The following PCDHA4 variants were observed in gnomAD, a reference collection of about 807,000 sequenced individuals.
PCDHA4 encodes protocadherin alpha-4.
A neutral mutation model predicts 61.4 loss-of-function variants in PCDHA4; 49 were observed. The observed-to-expected ratio is 0.80, with a 90% CI of 0.63 to 1.01. PCDHA4 has a LOEUF of 1.01. Ranked by LOEUF, PCDHA4 falls within the 50% of genes least tolerant of loss-of-function variation. PCDHA4 has a pLI of 0.00. For synonymous variants in PCDHA4, 590 were observed against 550.3 expected (o/e 1.07, Z -1.01); for missense variants, 1,254 against 1,235.8 (o/e 1.01, Z -0.22).
chr5:140,836,185 C>T, intron 1 of PCDHA4: 1 of 1,613,828 alleles, frequency 6.2e-7, no homozygotes, highest in Non-Finnish European at 8.5e-7. Context: ...GACGCTGACT[C>T]AGGCTACAAC....
rs2150339542 is a variant in PCDHA4 at position 140,842,572 on chromosome 5, A to T, written c.2385+33000A>T. 7.8e-6 allele frequency: 12 copies of T among 1,538,104 alleles called. 2 individuals carry two copies. In the South Asian group the frequency reaches 8.0e-5, roughly 10 times the overall value. On this transcript the variant is annotated intron_variant, in intron 1 of 3. Transcript: ENST00000530339. Reference sequence around the variant, plus strand: ...TGGACAGCGCCCTGGACCGCGAGAGAGTGTCGGCCTATGAGTTGGTGGTAA... The same window carrying T: ...TGGACAGCGCCCTGGACCGCGAGAGTGTGTCGGCCTATGAGTTGGTGGTAA...
At chr5:140,973,946 G>A (rs566831681) in intron 1 of PCDHA4, among the ~76,000 whole-genome samples, 45 of 152,304 alleles carry the variant, frequency 3.0e-4, no homozygotes, top group Non-Finnish European at 1.5e-4. Flanking sequence ...GAATATGATG[G>A]CATTTTACAG....
chr5:140,943,616 C>T (rs1221074220), intron 1 of PCDHA4, among the ~76,000 whole-genome samples: 3 of 152,048 alleles, frequency 2.0e-5, no homozygotes, highest in African/African-American at 7.3e-5. Context: ...TTTGATTCAT[C>T]TGCATAAGGA....
At chr5:140,835,908 T>A in intron 1 of PCDHA4, 1 of 1,612,190 alleles carries the variant, frequency 6.2e-7, no homozygotes, top group Admixed American at 1.7e-5. Flanking sequence ...GAGCTACGTG[T>A]CAGTGCACGC....
rs185971380 is a variant in PCDHA4, at chr5:140,858,398, G to T, written c.2385+48826G>T. On this transcript the variant is annotated intron_variant, in intron 1 of 3. Transcript: ENST00000530339. ...ACCATGCCCAATGGTAGATGTGGAC[G>T]GGGAAGATCAGTCTATTGGAGGGGA... The T allele has an allele frequency of 3.4e-5, 54 of 1,574,020 alleles. No homozygotes were observed. In the East Asian group the frequency reaches 1.1e-3, roughly 32 times the overall value.
rs976104418 is a variant in PCDHA4 at position 140,967,290 on chromosome 5, C to G, written c.2386-11659C>G. The G allele has an allele frequency of 3.1e-6, 5 of 1,612,712 alleles. No individual in the cohort carries two copies. In the African/African-American group the frequency reaches 5.3e-5, roughly 17 times the overall value. ...TTTCACATAGAGAGTGCGCAGGACC[C>G]CGACGTGGGCGCCAACTCAGTACAG... On this transcript the variant is annotated intron_variant, in intron 1 of 3. Coordinates refer to ENST00000530339, the MANE Select transcript of PCDHA4 (RefSeq NM_018907.4).
intron 1 of PCDHA4, among the ~76,000 whole-genome samples, chr5:140,907,775 G>T (rs1217508105): frequency 4.6e-5 from 7 of 152,178 alleles, no homozygotes; most frequent in African/African-American, 1.7e-4. Flanking sequence ...TGATGACAGG[G>T]GTGGCTGGGG....
In PCDHA4 at chr5:140,968,471, G is replaced by A. The variant is rs531821868; in HGVS notation, c.2386-10478G>A. On this transcript the variant is annotated intron_variant, in intron 1 of 3. Coordinates refer to ENST00000530339, the MANE Select transcript of PCDHA4 (RefSeq NM_018907.4). ...CAGCACTGTGACTGCCAACGTATAT[G>A]TGGTGGACATGAATGACCATGCCCC... 3.3e-5 allele frequency: 54 copies of A among 1,614,154 alleles called. No homozygotes were observed. The South Asian group carries it at 5.7e-4, about 17-fold the overall frequency.
rs782801879 is a variant in PCDHA4 at position 140,858,260 on chromosome 5, G to T, written c.2385+48688G>T. The T allele has an allele frequency of 2.0e-5, 32 of 1,597,092 alleles. 2 individuals carry two copies. The highest frequency in any genetic ancestry group is 2.7e-5 in the Non-Finnish European group (32 of 1,166,970). On this transcript the variant is annotated intron_variant, in intron 1 of 3. Coordinates refer to ENST00000530339, the MANE Select transcript of PCDHA4 (RefSeq NM_018907.4). ...ATGTGGGCCGGTGAAGCCCACGCTG[G>T]TGTGCTCTAGCGCGGTGGGGAGCTG...
At chr5:140,830,275 C>A (rs147028446) in intron 1 of PCDHA4, 3 of 1,613,698 alleles carry the variant, frequency 1.9e-6, no homozygotes, top group Non-Finnish European at 2.5e-6. Context: ...CGCCACCCAC[C>A]GAGGGCGCGT....
At chr5:140,978,486 G>T (rs1289847782) in intron 1 of PCDHA4, among the ~76,000 whole-genome samples, 1 of 152,248 alleles carries the variant, frequency 6.6e-6, no homozygotes, top group Admixed American at 6.5e-5. Flanking sequence ...AGTCTGCAAA[G>T]CCAGCAGCAG....
intron 1 of PCDHA4, chr5:140,862,764 G>A (rs375357178): frequency 5.0e-5 from 29 of 577,184 alleles, no homozygotes; most frequent in Middle Eastern, 5.6e-4. Flanking sequence ...GCGGCAAGAG[G>A]TACGCGTTGC....
intron 1 of PCDHA4, chr5:140,834,460 C>G (rs202125503): frequency 6.3e-6 from 10 of 1,589,954 alleles, no homozygotes; most frequent in Non-Finnish European, 8.6e-6. Flanking sequence ...GCTTGGGAGG[C>G]AGGGAGAGGC....
intron 1 of PCDHA4, among the ~76,000 whole-genome samples, chr5:140,959,250 G>A (rs2095476529): frequency 6.6e-6 from 1 of 152,030 alleles, no homozygotes. Context: ...GATAGTGCAT[G>A]ACTGTAGTCC....
At chr5:140,954,653 T>C (rs1467846481) in intron 1 of PCDHA4, among the ~76,000 whole-genome samples, 3 of 152,244 alleles carry the variant, frequency 2.0e-5, no homozygotes, top group Admixed American at 6.5e-5. Flanking sequence ...TTAAGTTCCT[T>C]GTAGACTCTG....
At chr5:140,823,599 T>G (rs1554129472) in intron 1 of PCDHA4, 2 of 1,614,006 alleles carry the variant, frequency 1.2e-6, no homozygotes, top group Non-Finnish European at 1.7e-6. Flanking sequence ...GGCTTTCGTA[T>G]GAGCTGCAGC....
chr5:140,954,284 C>G (rs1719232084), intron 1 of PCDHA4, among the ~76,000 whole-genome samples: 1 of 152,158 alleles, frequency 6.6e-6, no homozygotes, highest in South Asian at 2.1e-4. Context: ...ATTTATATTC[C>G]TTTGGGTACA....
At chr5:140,823,762 A>C (rs2150128894) in intron 1 of PCDHA4, 1 of 1,613,864 alleles carries the variant, frequency 6.2e-7, no homozygotes, top group East Asian at 2.2e-5. Flanking sequence ...AGCCACAGCC[A>C]CAGTGCTGGT....
At chr5:140,821,803 G>A (rs2150110763) in intron 1 of PCDHA4, 1 of 1,613,140 alleles carries the variant, frequency 6.2e-7, no homozygotes, top group African/African-American at 1.3e-5. Flanking sequence ...AGGAAGTCTG[G>A]GATCCCGGCT....
Sources: gnomAD v4.1 joint callset for allele counts (sites outside exome capture counted in the v4.1 genomes callset) on GRCh38, gnomAD v4.1.1 for gene constraint, MANE v1.5 for transcripts, NCBI Gene and HGNC (gene_info 2026-07-23, HGNC 2026-07-21) for gene names.